The following PLEC variants were observed in gnomAD, a reference collection of about 807,000 sequenced individuals.
PLEC encodes hemidesmosomal protein 1.
PLEC carries 216 observed loss-of-function variants against 392.8 expected under a neutral mutation model. The observed-to-expected ratio is 0.55, with a 90% CI of 0.49 to 0.62. The LOEUF is 0.62. Ranked by LOEUF, PLEC falls within the 20% of genes least tolerant of loss-of-function variation. PLEC has a pLI of 0.00. For synonymous variants in PLEC, 3,621 were observed against 2,980.6 expected, an observed-to-expected ratio of 1.21 and a Z score of -7.00; for missense variants, 6,863 against 6,563.4, an observed-to-expected ratio of 1.05 and a Z score of -1.58.
Position 143,920,615 on chromosome 8 carries a change from T to C in PLEC, c.9206A>G (p.Asp3069Gly), listed in dbSNP as rs1554682394. 7 of 1,607,814 alleles carry C rather than the reference T, an allele frequency of 4.4e-6. No homozygotes were observed. The highest frequency in any genetic ancestry group is 5.1e-6 in the Non-Finnish European group (6 of 1,179,828). ...GGTCAGCCGGGCGCTGGTGGCGGGGTCGATGATGTGCCCGGTGCCGGCCTG... is the reference window on the plus strand; with the variant it reads ...GGTCAGCCGGGCGCTGGTGGCGGGGCCGATGATGTGCCCGGTGCCGGCCTG... ...EAQAGTGHIIDPATSARLTVD... is the reference protein window; with the variant it reads ...EAQAGTGHIIGPATSARLTVD... Residue 3069 changes from aspartate to glycine, a missense_variant, in exon 32 of 32, where the codon GAC (aspartate) becomes GGC (glycine). Coordinates refer to ENST00000345136, the MANE Select transcript of PLEC (RefSeq NM_201384.3).
intron 1 of PLEC, among the ~76,000 whole-genome samples, chr8:143,948,007 C>T (rs1831700036): frequency 6.6e-6 from 1 of 152,220 alleles, no homozygotes; most frequent in Admixed American, 6.5e-5. Context: ...CCCAGTTCAC[C>T]CCACATATCT....
In PLEC at chr8:143,920,396, C is replaced by T. The variant is rs782653537; in HGVS notation, c.9425G>A (p.Gly3142Asp). 2.5e-6 allele frequency: 4 copies of T among 1,591,290 alleles called. No individual in the cohort carries two copies. The highest frequency in any genetic ancestry group is 3.4e-6 in the Non-Finnish European group (4 of 1,172,008). The change falls in exon 32 of 32, where the codon GGC becomes GAC. Residue 3142 changes from glycine (G) to aspartate (D), a missense_variant. By Grantham distance (94) the Gly-to-Asp change is moderately conservative. Coordinates refer to ENST00000345136, the MANE Select transcript of PLEC (RefSeq NM_201384.3). Reference sequence around the variant, plus strand: ...GTGGCTCTTGCTGGGGTCCACGATGCCGCCCGTGGACAGCTGGGCGTCCAA... The same window carrying T: ...GTGGCTCTTGCTGGGGTCCACGATGTCGCCCGTGGACAGCTGGGCGTCCAA... ...RLLDAQLSTG[G>D]IVDPSKSHRV...
rs782030366 is a variant in PLEC, at chr8:143,935,862, G to A, written c.588C>T (p.Ile196=). 1.5e-5 allele frequency: 24 copies of A among 1,612,842 alleles called. No individual in the cohort carries two copies. The highest frequency in any genetic ancestry group is 1.9e-5 in the Non-Finnish European group (23 of 1,179,984). The change falls in exon 6 of 32, where the codon ATC becomes ATT. Residue 196 remains isoleucine, a synonymous_variant. Transcript: ENST00000345136. ...GGGCCATGTACTTGTGCCGGTGGATGATGGCATTGAAGAGGCGGCCGTCTC... is the reference window on the plus strand; with the variant it reads ...GGGCCATGTACTTGTGCCGGTGGATAATGGCATTGAAGAGGCGGCCGTCTC... ...SWRDGRLFNA[I]IHRHKPLLID...
chr8:143,923,214 C>A lies in PLEC; in HGVS notation c.6715G>T (p.Glu2239Ter), dbSNP rs782468537. 11 of 1,603,036 alleles carry A rather than the reference C, an allele frequency of 6.9e-6. No homozygotes were observed. The East Asian group carries it at 2.0e-4, about 29-fold the overall frequency. ...ATGCGTGCCTTGAGCTTGCTCAGCT[C>A]CTCCATCTGCACGCGCACCGAGAAG... ...ELFSVRVQME[E>*]LSKLKARIEA... is the part of the protein sequence containing the mutation. Residue 2239 changes from glutamate to a stop codon, truncating the protein, a stop_gained, in exon 31 of 32, where the codon GAG becomes TAG. Coordinates refer to ENST00000345136, the MANE Select transcript of PLEC (RefSeq NM_201384.3). LOFTEE classifies it high-confidence loss of function.
chr8:143,942,095 T>A (rs1250935077), upstream of PLEC, among the ~76,000 whole-genome samples: 2 of 151,792 alleles, frequency 1.3e-5, no homozygotes, highest in Non-Finnish European at 2.9e-5. Context: ...CCCTCCCCCG[T>A]GTCCTGGAAA....
rs1381450738 is a variant in PLEC at position 143,923,712 on chromosome 8, G to C, written c.6217C>G (p.Gln2073Glu). Reference sequence around the variant, plus strand: ...CCGCGCAGCTGGTCCAGCACGCTCTGCTCCTGCTGCAGCGTCTGCTGTAGC... The same window carrying C: ...CCGCGCAGCTGGTCCAGCACGCTCTCCTCCTGCTGCAGCGTCTGCTGTAGC... ...QELQQTLQQE[Q>E]SVLDQLRGEA... The change falls in exon 31 of 32, where the codon CAG (glutamine) becomes GAG (glutamate). Residue 2073 changes from glutamine to glutamate, a missense_variant. Transcript: ENST00000345136. The C allele has an allele frequency of 1.9e-6, 3 of 1,544,572 alleles. No individual in the cohort carries two copies. Among genetic ancestry groups the C allele is most frequent in the Admixed American group, 1.9e-5 (1 of 52,486 alleles).
Position 143,973,375 on chromosome 8 carries a change from C to A in PLEC, c.70+28G>T. ...GGCGGCTGGGCTGTCAGGAGCGGCC[C>A]GACAGGCAGCGGGACGGGGGGCCGT... On this transcript the variant is annotated intron_variant, in intron 1 of 31. Coordinates refer to the PLEC transcript ENST00000356346. This position sits in a 1 kb window ranked among gnomAD's most constrained non-coding sequence, Gnocchi z 5.6. The A allele has an allele frequency of 6.4e-7, 1 of 1,556,188 alleles. No individual in the cohort carries two copies. The highest frequency in any genetic ancestry group is 8.7e-7 in the Non-Finnish European group (1 of 1,151,060).
At position 143,925,343 on chromosome 8, in the gene PLEC, C is replaced by T. The variant is rs1057520714; in HGVS notation, c.4586G>A (p.Arg1529His). Residue 1529 changes from arginine (R) to histidine (H), a missense_variant, in exon 31 of 32, where the codon CGC (arginine) becomes CAC (histidine). Coordinates refer to ENST00000345136, the MANE Select transcript of PLEC (RefSeq NM_201384.3). ...GGCCTGCAGGGCCCGCTGCTTCTCG[C>T]GCGCCGCCTCGGCCTCGGCCTTCAC... The part of the protein sequence containing the change: ...SRVKAEAEAA[R>H]EKQRALQALE... 23 of 1,550,052 alleles carry T rather than the reference C, an allele frequency of 1.5e-5. No individual in the cohort carries two copies. Among genetic ancestry groups the T allele is most frequent in the Admixed American group, 3.7e-5 (2 of 53,470 alleles).
intron 19 of PLEC, among the ~76,000 whole-genome samples, chr8:143,931,014 G>A (rs1827090082): frequency 6.6e-6 from 1 of 152,138 alleles, no homozygotes; most frequent in Non-Finnish European, 1.5e-5. Context: ...CCTCCTGGGT[G>A]ATCCCACCCC....
In PLEC at chr8:143,922,569, C is replaced by G. The variant is rs1586864240; in HGVS notation, c.7360G>C (p.Glu2454Gln). 1.2e-6 allele frequency: 2 copies of G among 1,613,486 alleles called. No homozygotes were observed. The highest frequency in any genetic ancestry group is 2.2e-5 in the East Asian group (1 of 44,872). Residue 2454 changes from glutamate to glutamine, a missense_variant, in exon 31 of 32, where the codon GAG (glutamate) becomes CAG (glutamine). By Grantham distance (29) the Glu-to-Gln change is conservative. Transcript: ENST00000345136. The part of the protein sequence containing the change: ...DAERLREAIA[E>Q]LEREKEKLQQ... ...AGCTTCTCCTTCTCACGCTCCAGCT[C>G]AGCGATGGCCTCCCGCAGGCGCTCG... is the stretch of plus-strand genomic sequence containing the variant.
Position 143,919,127 on chromosome 8 carries a change from C to T in PLEC, c.10694G>A (p.Arg3565Lys), listed in dbSNP as rs1821616289. ...GTCGATCTGTGTCTCTTCAAATGCC[C>T]TTCTTGTCTCCTCCTCAGTGTACAC... ...TQVYTEEETR[R>K]AFEETQIDIP... The change falls in exon 32 of 32, where the codon AGG (arginine) becomes AAG (lysine). Residue 3565 changes from arginine to lysine, a missense_variant. Physicochemically the swap from Arg to Lys is conservative, Grantham distance 26. Transcript: ENST00000345136. 1 of 1,613,222 alleles carries T rather than the reference C, an allele frequency of 6.2e-7. No individual in the cohort carries two copies. Among genetic ancestry groups the T allele is most frequent in the Non-Finnish European group, 8.5e-7 (1 of 1,180,026 alleles).
At chr8:143,955,822 A>T (rs1832557632), upstream of PLEC, among the ~76,000 whole-genome samples, 1 of 150,890 alleles carries the variant, frequency 6.6e-6, no homozygotes, top group Non-Finnish European at 1.5e-5. Context: ...CTGGTCTCAA[A>T]CTCCTGGGCT....
Position 143,919,260 on chromosome 8 carries a change from G to A in PLEC, c.10561C>T (p.Leu3521Phe), listed in dbSNP as rs782316417. 1 of 1,613,938 alleles carries A rather than the reference G, an allele frequency of 6.2e-7. No homozygotes were observed. The highest frequency in any genetic ancestry group is 8.5e-7 in the Non-Finnish European group (1 of 1,180,044). ...GFFDPNTHEN[L>F]TYRQLLERCV... ...CGCTCCAGCAGCTGCCTGTACGTGA[G>A]GTTCTCATGCGTGTTGGGGTCAAAG... is the stretch of plus-strand genomic sequence containing the variant. The change falls in exon 32 of 32, where the codon CTC (leucine) becomes TTC (phenylalanine). Residue 3521 changes from leucine (L) to phenylalanine (F), a missense_variant. Physicochemically the swap from Leu to Phe is conservative, Grantham distance 22 (BLOSUM62 0). Coordinates refer to ENST00000345136, the MANE Select transcript of PLEC (RefSeq NM_201384.3).
At chr8:143,961,228 T>C (rs951133884) in intron 1 of PLEC, among the ~76,000 whole-genome samples, 8 of 139,242 alleles carry the variant, frequency 5.7e-5, no homozygotes. Context: ...ACCCAGAAAT[T>C]CCTTTTTTTT....
rs1006397729 is a variant in PLEC at position 143,958,969 on chromosome 8, C to T, written c.70+14434G>A. Among the ~76,000 whole-genome samples, 1 of 152,316 alleles carries T rather than the reference C, an allele frequency of 6.6e-6. No individual in the cohort carries two copies. Among genetic ancestry groups the T allele is most frequent in the Middle Eastern group, 3.4e-3 (1 of 294 alleles). On this transcript the variant is annotated intron_variant, in intron 1 of 31. Coordinates refer to the PLEC transcript ENST00000356346. This position sits in a 1 kb window ranked among gnomAD's most constrained non-coding sequence, Gnocchi z 4.9. ...TCACTAGCAGATTAAAGGAGAAAAC[C>T]GGTATATTGATCTAGAAAATCTCGA...
upstream of PLEC, among the ~76,000 whole-genome samples, chr8:143,951,507 G>A (rs1832144770): frequency 6.6e-6 from 1 of 152,080 alleles, no homozygotes; most frequent in South Asian, 2.1e-4. Flanking sequence ...AGGCTTAGAG[G>A]CAGTGGCCAC....
At chr8:143,959,799 A>C (rs113712055) in intron 1 of PLEC, among the ~76,000 whole-genome samples, 1 of 149,854 alleles carries the variant, frequency 6.7e-6, no homozygotes. Context: ...GATTGAGACC[A>C]TCCTGGCTAA....
chr8:143,952,841 G>A (rs1832329115), upstream of PLEC, among the ~76,000 whole-genome samples: 1 of 152,120 alleles, frequency 6.6e-6, no homozygotes. Context: ...GCTTCCTCCA[G>A]CAGAGATGGG....
chr8:143,919,938 C>T lies in PLEC; in HGVS notation c.9883G>A (p.Val3295Met). The change falls in exon 32 of 32, where the codon GTG (valine) becomes ATG (methionine). Residue 3295 changes from valine to methionine, a missense_variant. Transcript: ENST00000345136. ...IKILITIVEE[V>M]ETLRQERLSF... ...AGCCTCTCCTGCCGCAGGGTCTCCA[C>T]CTCCTCCACGATGGTAATGAGAATC... 1 of 1,613,418 alleles carries T rather than the reference C, an allele frequency of 6.2e-7. No individual in the cohort carries two copies. The highest frequency in any genetic ancestry group is 8.5e-7 in the Non-Finnish European group (1 of 1,180,030).
Sources: gnomAD v4.1 joint callset for allele counts (sites outside exome capture counted in the v4.1 genomes callset) on GRCh38, gnomAD v4.1.1 for gene constraint, Gnocchi (gnomAD v3.1) non-coding constraint, MANE v1.5 for transcripts, NCBI Gene and HGNC (gene_info 2026-07-23, HGNC 2026-07-21) for gene names.